Variants in ANO1 observed in about 807,000 individuals in gnomAD.
ANO1 encodes the protein anoctamin-1.
A neutral mutation model predicts 124.0 loss-of-function variants in ANO1; 59 were observed. That is an observed-to-expected ratio of 0.48 (90% CI 0.39 to 0.59). ANO1 has a LOEUF of 0.59. ANO1 is among the 20% of genes least tolerant of loss of function. The pLI, the probability that ANO1 is intolerant of heterozygous loss-of-function variation, is 0.00. For synonymous variants in ANO1, 529 were observed against 532.0 expected, an observed-to-expected ratio of 0.99 and a Z score of 0.08; for missense variants, 1,059 against 1,328.0, an observed-to-expected ratio of 0.80 and a Z score of 3.15.
rs535043598 is a variant in ANO1 at position 70,100,792 on chromosome 11, G to A, written c.442-2274G>A. Among the ~76,000 whole-genome samples, 266 of 152,302 alleles carry A rather than the reference G, an allele frequency of 1.7e-3. 1 individual carries two copies. Among genetic ancestry groups the A allele is most frequent in the Non-Finnish European group, 2.5e-3 (168 of 68,026 alleles). ...GAATGCACGCAGCAGGGACCGGCAC[G>A]GAACTGACATTGAGTGGATGTCAGC... On this transcript the variant is annotated intron_variant, in intron 2 of 25. Transcript: ENST00000355303.
Position 70,108,252 on chromosome 11 carries a change from G to A in ANO1, c.748-101G>A, listed in dbSNP as rs1477347867. 2.5e-6 allele frequency: 3 copies of A among 1,187,750 alleles called. No homozygotes were observed. In the African/African-American group the frequency reaches 4.5e-5, roughly 18 times the overall value. The allele number at this position is 1,187,750 out of a possible 1,614,324, so 73.6% of individuals were successfully genotyped here. On this transcript the variant is annotated intron_variant, in intron 5 of 25. Transcript: ENST00000355303. The stretch of plus-strand genomic sequence containing the variant: ...AAGATAGCACCAAGGAGGTCTTCAT[G>A]CGTAACGTGTGACCAGGTCCTCTCC...
intron 7 of ANO1, among the ~76,000 whole-genome samples, chr11:70,115,013 G>T (rs1012142542): frequency 8.5e-5 from 13 of 152,186 alleles, no homozygotes; most frequent in African/African-American, 2.7e-4. Context: ...AAGGACCTCC[G>T]TATAAATGAG....
rs141509670 is a variant in ANO1, at chr11:70,103,356, G to A, written c.540+192G>A. On this transcript the variant is annotated intron_variant, in intron 3 of 25. Transcript: ENST00000355303. ...CCCCAGGCTCTGGGGTCCTGACCGTGGTGAATATGACCCAACCCTGGGTGA... is the reference window on the plus strand; with the variant it reads ...CCCCAGGCTCTGGGGTCCTGACCGTAGTGAATATGACCCAACCCTGGGTGA... 1.6e-3 allele frequency among the ~76,000 whole-genome samples: 247 copies of A among 152,078 alleles called. 2 individuals are homozygous for A. Among genetic ancestry groups the A allele is most frequent in the Admixed American group, 0.014 (212 of 15,260 alleles).
chr11:70,116,877 C>T (rs1478001732), intron 8 of ANO1, among the ~76,000 whole-genome samples: 1 of 152,146 alleles, frequency 6.6e-6, no homozygotes, highest in African/African-American at 2.4e-5. Flanking sequence ...TCCCACAGGG[C>T]TCCCAGGCAA....
intron 2 of ANO1, 79 bp from the exon 3 acceptor site, chr11:70,102,987 G>C: frequency 1.0e-6 from 1 of 980,232 alleles, no homozygotes; most frequent in Non-Finnish European, 1.5e-6. Flanking sequence ...ATAAATTGTG[G>C]TGGCCTCTGA....
intron 1 of ANO1, among the ~76,000 whole-genome samples, chr11:69,994,087 C>T (rs1256091193): frequency 2.2e-5 from 2 of 92,208 alleles, no homozygotes; most frequent in Non-Finnish European, 4.7e-5. Context: ...GATTTTACAC[C>T]CCCAATTTGT....
upstream of ANO1, among the ~76,000 whole-genome samples, chr11:70,077,083 G>A (rs2044070693): frequency 6.6e-6 from 1 of 152,192 alleles, no homozygotes; most frequent in African/African-American, 2.4e-5. Flanking sequence ...CAGGTTCCAT[G>A]CTTGGAACCA....
intron 1 of ANO1, among the ~76,000 whole-genome samples, chr11:69,988,671 C>T (rs1020529964): frequency 1.3e-5 from 2 of 152,254 alleles, no homozygotes; most frequent in Non-Finnish European, 2.9e-5. Context: ...ATTCTGCCTA[C>T]TTAGCAGCTC....
At chr11:70,064,830 G>T (rs192865133) in intron 1 of ANO1, 3 of 152,284 alleles carry the variant, frequency 2.0e-5, no homozygotes, top group African/African-American at 7.2e-5. Flanking sequence ...GAGTCTCACT[G>T]GCAGATGAAA....
intron 1 of ANO1, among the ~76,000 whole-genome samples, chr11:70,053,010 AT>A (rs1329872704): frequency 1.3e-5 from 2 of 151,906 alleles, no homozygotes; most frequent in East Asian, 1.9e-4. Flanking sequence ...TATGCATTTA[AT>A]TTTTTTAATG....
At chr11:69,980,306 C>T in the ANO1 span, among the ~76,000 whole-genome samples, 1 of 152,034 alleles carries the variant, frequency 6.6e-6, no homozygotes. Context: ...TCCACGGGTG[C>T]AGAGCTTAGG....
At chr11:70,037,595 C>T (rs1249644185) in intron 1 of ANO1, among the ~76,000 whole-genome samples, 1 of 152,084 alleles carries the variant, frequency 6.6e-6, no homozygotes, top group Admixed American at 6.5e-5. Context: ...GGATGCAAAC[C>T]TGCCTCTACT....
chr11:70,076,272 C>T (rs1314638076), upstream of ANO1, among the ~76,000 whole-genome samples: 3 of 152,160 alleles, frequency 2.0e-5, no homozygotes, highest in African/African-American at 7.2e-5. Flanking sequence ...TGAGTAAAGC[C>T]GCAAGGGGTG....
chr11:70,073,953 T>C (rs2044020783), upstream of ANO1, among the ~76,000 whole-genome samples: 1 of 149,858 alleles, frequency 6.7e-6, no homozygotes, highest in Non-Finnish European at 1.5e-5. Flanking sequence ...TTGGCCGGCC[T>C]CTGCTCGGGC....
chr11:70,176,669 TGAG>T (rs1001138492), intron 22 of ANO1, among the ~76,000 whole-genome samples: 3 of 152,250 alleles, frequency 2.0e-5, no homozygotes, highest in Admixed American at 2.0e-4. Context: ...GAGGAGGGCA[TGAG>T]GAGGCCTGTC....
At chr11:70,058,145 C>G (rs1386351376) in intron 1 of ANO1, among the ~76,000 whole-genome samples, 1 of 152,090 alleles carries the variant, frequency 6.6e-6, no homozygotes, top group East Asian at 1.9e-4. Context: ...AATTGAGAAA[C>G]TAAACAGAAG....
At chr11:70,020,934 C>G (rs1000042313) in intron 1 of ANO1, 3 of 152,278 alleles carry the variant, frequency 2.0e-5, no homozygotes, top group African/African-American at 7.2e-5. Context: ...TCGTAGTCAT[C>G]GTTCGCGGTC....
chr11:70,126,069 T>C lies in ANO1; in HGVS notation c.971T>C (p.Phe324Ser), dbSNP rs747820898. 54 of 1,608,824 alleles carry C rather than the reference T, an allele frequency of 3.4e-5. No homozygotes were observed. Among genetic ancestry groups the C allele is most frequent in the Non-Finnish European group, 4.2e-5 (50 of 1,177,484 alleles). ...CTGCTCCCCTGGTGTAGGAAGTATT[T>C]TGGGGAGAAGATCGGCCTGTACTTC... The part of the protein sequence containing the change: ...YQPIDLVRKY[F>S]GEKIGLYFAW... The change falls in exon 10 of 26, where the codon TTT (phenylalanine) becomes TCT (serine). Residue 324 changes from phenylalanine to serine, a missense_variant. Physicochemically the swap from Phe to Ser is radical, Grantham distance 155. This residue lies in a region of ANO1 where 809 missense variants were observed against 1,094.9 expected (regional missense o/e 0.74). Coordinates refer to ENST00000355303, the MANE Select transcript of ANO1 (RefSeq NM_018043.7).
intron 1 of ANO1, among the ~76,000 whole-genome samples, chr11:70,027,646 C>A (rs1856931581): frequency 6.6e-6 from 1 of 152,244 alleles, no homozygotes; most frequent in Non-Finnish European, 1.5e-5. Flanking sequence ...GTAATTGAAT[C>A]AACAGCAGTT....
Sources: allele counts gnomAD v4.1 joint callset (sites outside exome capture counted in the v4.1 genomes callset), GRCh38; gene constraint gnomAD v4.1.1; regional missense constraint gnomAD v4.1.1; transcripts MANE v1.5; gene names NCBI Gene and HGNC (gene_info 2026-07-23, HGNC 2026-07-21).